The following MID1 variants were observed in gnomAD, a reference collection of about 807,000 sequenced individuals.
MID1 encodes midline 1, also known as E3 ubiquitin-protein ligase Midline-1.
Under a neutral mutation model 40.4 loss-of-function variants are expected in MID1, and 7 were observed. The ratio of observed to expected loss-of-function variants is 0.17; its 90% confidence interval spans 0.10 to 0.33. The LOEUF (loss-of-function observed/expected upper bound fraction) is 0.33. Among genes scored for constraint, MID1 ranks in the 10% least tolerant of loss-of-function variants. MID1 has a pLI of 1.00. For synonymous variants in MID1, 229 were observed against 221.2 expected, an observed-to-expected ratio of 1.04 and a Z score of -0.31; for missense variants, 367 against 558.5, an observed-to-expected ratio of 0.66 and a Z score of 3.46.
chrX:10,452,705 A>AT lies in MID1; in HGVS notation c.1655+2164dup, dbSNP rs1471485653. Among the ~76,000 whole-genome samples the AT allele has an allele frequency of 5.3e-5, 6 of 112,175 alleles. No homozygotes were observed. In the East Asian group the frequency reaches 1.7e-3, roughly 31 times the overall value. The stretch of plus-strand genomic sequence containing the variant: ...CTTTCTACATGAAGATTTTTCTGAA[A>AT]TTGACACCGTCAGGTTTGTAAAGAT... On this transcript the variant is annotated intron_variant, in intron 9 of 9. Transcript: ENST00000317552.
intron 1 of MID1, among the ~76,000 whole-genome samples, chrX:10,808,129 T>G (rs2147150307): frequency 8.9e-6 from 1 of 112,480 alleles, no homozygotes. Context: ...AATACAAAGA[T>G]GAATAAGACC....
chrX:10,681,025 C>CAATAATAATAATAAT (rs56941761), intron 1 of MID1, among the ~76,000 whole-genome samples: 3 of 82,584 alleles, frequency 3.6e-5, no homozygotes, highest in African/African-American at 1.4e-4. Flanking sequence ...GACCCTGTCT[C>CAATAATAATAATAAT]AATAATAATA....
chrX:10,592,270 G>T lies in MID1; in HGVS notation c.-56-24667C>A, dbSNP rs916766202. Among the ~76,000 whole-genome samples, 3 of 45,531 alleles carry T rather than the reference G, an allele frequency of 6.6e-5. No homozygotes were observed. In the East Asian group the frequency reaches 2.2e-3, roughly 33 times the overall value. 39.5% of individuals were successfully genotyped at this position (45,531 alleles called of 115,157 possible). On this transcript the variant is annotated intron_variant, in intron 1 of 9. Coordinates refer to ENST00000317552, the MANE Select transcript of MID1 (RefSeq NM_000381.4). ...AAACAAAATTTCCTGCTTAGGGACT[G>T]CGTTAAAAAAAAAAAAAAAAAAAAA...
At chrX:10,603,650 C>T (rs113804892) in intron 1 of MID1, among the ~76,000 whole-genome samples, 2,476 of 111,563 alleles carry the variant, frequency 0.022, 79 homozygotes, top group African/African-American at 0.076. Flanking sequence ...GAAGAGCTGT[C>T]AGAGAACAGA....
intron 1 of MID1, among the ~76,000 whole-genome samples, chrX:10,749,531 C>T (rs1191666412): frequency 8.9e-6 from 1 of 112,145 alleles, no homozygotes; most frequent in Non-Finnish European, 1.9e-5. Context: ...TATTAGGCTG[C>T]TTTTGCATTG....
intron 1 of MID1, among the ~76,000 whole-genome samples, chrX:10,713,025 C>T (rs765006343): frequency 1.8e-5 from 2 of 109,990 alleles, no homozygotes; most frequent in African/African-American, 3.3e-5. Flanking sequence ...TTAGTAGAGA[C>T]GGGGTTTCAC....
intron 1 of MID1, among the ~76,000 whole-genome samples, chrX:10,828,601 C>G (rs2044231846): frequency 8.9e-6 from 1 of 111,842 alleles, no homozygotes; most frequent in Admixed American, 9.5e-5. Flanking sequence ...GTCTTTAGAG[C>G]AAGGGTGTCA....
chrX:10,570,476 G>A (rs960723697), intron 1 of MID1, among the ~76,000 whole-genome samples: 16 of 112,262 alleles, frequency 1.4e-4, no homozygotes, highest in African/African-American at 5.2e-4. Context: ...TGAAAGCAGA[G>A]ATTTTGCTTT....
chrX:10,659,750 T>C (rs1428275685), intron 1 of MID1, among the ~76,000 whole-genome samples: 3 of 111,145 alleles, frequency 2.7e-5, no homozygotes, highest in African/African-American at 6.5e-5. Context: ...ACCTTGAAAT[T>C]AGAGGGAGGT....
At chrX:10,782,352 C>G (rs1197561988) in intron 1 of MID1, among the ~76,000 whole-genome samples, 1 of 111,999 alleles carries the variant, frequency 8.9e-6, no homozygotes, top group East Asian at 2.8e-4. Flanking sequence ...TGGAATTGGT[C>G]TCCCTGGCTT....
chrX:10,525,203 A>T (rs1932807153), intron 2 of MID1, among the ~76,000 whole-genome samples: 1 of 112,480 alleles, frequency 8.9e-6, no homozygotes, highest in African/African-American at 3.2e-5. Context: ...ATTAAGGAAA[A>T]GAACCACTTT....
At chrX:10,540,552 A>G (rs1046039056) in intron 2 of MID1, among the ~76,000 whole-genome samples, 3 of 111,779 alleles carry the variant, frequency 2.7e-5, no homozygotes, top group African/African-American at 9.8e-5. Context: ...CCGTGGAGTC[A>G]CAGATCACAA....
intron 1 of MID1, among the ~76,000 whole-genome samples, chrX:10,811,418 C>T (rs747527671): frequency 1.8e-5 from 2 of 112,243 alleles, no homozygotes; most frequent in Admixed American, 9.5e-5. Flanking sequence ...TCCTGTTTTA[C>T]GGATGAGGAA....
At chrX:10,763,155 T>TTTTA (rs766360668) in intron 1 of MID1, among the ~76,000 whole-genome samples, 3 of 110,115 alleles carry the variant, frequency 2.7e-5, no homozygotes, top group Non-Finnish European at 5.7e-5. Context: ...TTTTTGCCCT[T>TTTTA]TTTATTTATT....
intron 1 of MID1, among the ~76,000 whole-genome samples, chrX:10,656,920 T>C (rs897303662): frequency 3.1e-4 from 34 of 111,150 alleles, no homozygotes; most frequent in Middle Eastern, 9.2e-3. Flanking sequence ...AATTCTCTGC[T>C]CATATTCCCT....
intron 1 of MID1, among the ~76,000 whole-genome samples, chrX:10,757,615 CT>C (rs2043640550): frequency 8.9e-6 from 1 of 112,049 alleles, no homozygotes; most frequent in Admixed American, 9.5e-5. Flanking sequence ...ATTTCTGAAA[CT>C]ATCTCATTAG....
intron 5 of MID1, among the ~76,000 whole-genome samples, chrX:10,480,594 G>C (rs1272922309): frequency 8.9e-6 from 1 of 111,995 alleles, no homozygotes; most frequent in African/African-American, 3.2e-5. Context: ...GCTATTTGCA[G>C]TTTTTAACTT....
chrX:10,543,840 T>C (rs746676789), intron 2 of MID1, among the ~76,000 whole-genome samples: 8 of 107,076 alleles, frequency 7.5e-5, no homozygotes, highest in Admixed American at 1.0e-4. Flanking sequence ...GAGACTCTGT[T>C]TTTTTAAAAA....
intron 1 of MID1, among the ~76,000 whole-genome samples, chrX:10,631,982 C>G (rs1435664233): frequency 8.9e-6 from 1 of 111,827 alleles, no homozygotes; most frequent in Non-Finnish European, 1.9e-5. Context: ...CCATATTTGT[C>G]TTTCCTTTGA....
Sources: gnomAD v4.1 joint callset for allele counts (sites outside exome capture counted in the v4.1 genomes callset) on GRCh38, gnomAD v4.1.1 for gene constraint, MANE v1.5 for transcripts, NCBI Gene and HGNC (gene_info 2026-07-23, HGNC 2026-07-21) for gene names.